Variants in PILRA observed in about 807,000 individuals in gnomAD.
The protein encoded by PILRA is paired immunoglobulin-like type 2 receptor alpha.
PILRA carries 37 observed loss-of-function variants against 33.1 expected under a neutral mutation model. The ratio of observed to expected loss-of-function variants is 1.12; its 90% CI spans 0.86 to 1.47. The LOEUF (loss-of-function observed/expected upper bound fraction) is 1.47, where lower values mean the gene tolerates loss of function less well. PILRA is among the 40% of genes most tolerant of loss of function. PILRA has a pLI of 0.00. For synonymous variants in PILRA, 146 were observed against 149.9 expected, an observed-to-expected ratio of 0.97 and a Z score of 0.19; for missense variants, 312 against 376.2, an observed-to-expected ratio of 0.83 and a Z score of 1.41.
chr7:100,393,345 C>T (rs182592690), intron 3 of PILRA, among the ~76,000 whole-genome samples: 1 of 150,794 alleles, frequency 6.6e-6, no homozygotes, highest in East Asian at 1.9e-4. Flanking sequence ...AGAACAAAAA[C>T]CACAGCACTT....
chr7:100,399,200 CA>C (rs1376155796), intron 4 of PILRA, 90 bp from the exon 5 acceptor site: 1 of 866,954 alleles, frequency 1.2e-6, no homozygotes, highest in East Asian at 2.5e-5. Flanking sequence ...CTCAGTCTCC[CA>C]AAGTGCTGGG....
chr7:100,396,415 G>A (rs112331310), intron 3 of PILRA, among the ~76,000 whole-genome samples: 5,037 of 152,198 alleles, frequency 0.033, 289 homozygotes, highest in African/African-American at 0.12. Flanking sequence ...CACTTTGGGA[G>A]GCCAAGGTGG....
At chr7:100,376,204 G>C (rs1209742688) in intron 2 of PILRA, 1 of 152,168 alleles carries the variant, frequency 6.6e-6, no homozygotes, top group Non-Finnish European at 1.5e-5. Flanking sequence ...TTTTGGAGCA[G>C]ATGGAAAGTG....
chr7:100,389,856 G>A (rs747325388), intron 2 of PILRA, 32 bp from the exon 3 acceptor site: 116 of 1,589,908 alleles, frequency 7.3e-5, no homozygotes, highest in Non-Finnish European at 9.8e-5. Flanking sequence ...TGCCCCCAGG[G>A]GAGGGTCTGC....
At chr7:100,372,021 A>T (rs1790826138), upstream of PILRA, among the ~76,000 whole-genome samples, 1 of 152,154 alleles carries the variant, frequency 6.6e-6, no homozygotes, top group Non-Finnish European at 1.5e-5. Context: ...ACAGCCTGGT[A>T]AGCAGGTGAC....
upstream of PILRA, among the ~76,000 whole-genome samples, chr7:100,372,451 C>T (rs761268597): frequency 3.3e-5 from 5 of 152,166 alleles, no homozygotes; most frequent in East Asian, 1.9e-4. Context: ...TCTTCCCCCA[C>T]GGCCCCTCAA....
At chr7:100,395,146 G>A (rs1308302715) in intron 3 of PILRA, among the ~76,000 whole-genome samples, 2 of 152,110 alleles carry the variant, frequency 1.3e-5, no homozygotes, top group African/African-American at 4.8e-5. Context: ...TTAAAAGTGG[G>A]CAGTGGATTT....
intron 2 of PILRA, among the ~76,000 whole-genome samples, chr7:100,377,010 T>G (rs538685199): frequency 6.6e-6 from 1 of 150,510 alleles, no homozygotes; most frequent in African/African-American, 2.4e-5. Context: ...GTGATCCACC[T>G]ACCTTGGCCT....
chr7:100,382,277 C>A (rs1228292981), intron 2 of PILRA, among the ~76,000 whole-genome samples: 1 of 152,172 alleles, frequency 6.6e-6, no homozygotes, highest in African/African-American at 2.4e-5. Flanking sequence ...GTATCTACGT[C>A]AAGGTTTGTG....
intron 2 of PILRA, among the ~76,000 whole-genome samples, chr7:100,381,739 G>A (rs1187735652): frequency 6.6e-6 from 1 of 152,302 alleles, no homozygotes; most frequent in East Asian, 1.9e-4. Context: ...GGAGAGGCGC[G>A]GGCGGGAACC....
chr7:100,375,284 G>A (rs941199957), intron 2 of PILRA, among the ~76,000 whole-genome samples: 2 of 152,146 alleles, frequency 1.3e-5, no homozygotes, highest in Admixed American at 1.3e-4. Flanking sequence ...CTGGCAAATC[G>A]CTTCGTGTGC....
chr7:100,389,649 G>GAAGGA (rs368991801), intron 2 of PILRA, among the ~76,000 whole-genome samples: 122 of 151,222 alleles, frequency 8.1e-4, no homozygotes, highest in Middle Eastern at 3.4e-3. Context: ...AGGGAGAGAG[G>GAAGGA]AAGGAAAGGA....
chr7:100,375,576 AC>A (rs1790924820), intron 2 of PILRA, among the ~76,000 whole-genome samples: 1 of 152,168 alleles, frequency 6.6e-6, no homozygotes, highest in South Asian at 2.1e-4. Context: ...TACTAAACAT[AC>A]AAAAATTAGC....
intron 2 of PILRA, among the ~76,000 whole-genome samples, chr7:100,383,627 A>T (rs1032737886): frequency 1.3e-5 from 2 of 149,134 alleles, no homozygotes; most frequent in Non-Finnish European, 1.5e-5. Context: ...GATCTGACTC[A>T]CACTTTTTTT....
chr7:100,380,111 T>C (rs956573539), intron 2 of PILRA, among the ~76,000 whole-genome samples: 5 of 152,152 alleles, frequency 3.3e-5, no homozygotes, highest in African/African-American at 4.8e-5. Flanking sequence ...CTTTCCAGAA[T>C]AGATGAACCA....
chr7:100,372,349 T>C (rs1455748884), upstream of PILRA, among the ~76,000 whole-genome samples: 1 of 152,104 alleles, frequency 6.6e-6, no homozygotes, highest in Non-Finnish European at 1.5e-5. Context: ...AGGAGCCTAC[T>C]AGGACCAGGG....
chr7:100,397,936 T>A, intron 4 of PILRA, 24 bp downstream of exon 4: 1 of 1,613,012 alleles, frequency 6.2e-7, no homozygotes, highest in Non-Finnish European at 8.5e-7. Context: ...CTCCCCAGGG[T>A]GGGTTGGGGG....
intron 2 of PILRA, among the ~76,000 whole-genome samples, chr7:100,384,313 G>A (rs770076893): frequency 2.5e-4 from 37 of 150,608 alleles, no homozygotes; most frequent in Non-Finnish European, 4.9e-4. Flanking sequence ...ATGGAGGTGT[G>A]AACAGGTAGA....
chr7:100,389,143 G>A (rs1791320676), intron 2 of PILRA, among the ~76,000 whole-genome samples: 1 of 152,110 alleles, frequency 6.6e-6, no homozygotes, highest in Non-Finnish European at 1.5e-5. Context: ...TTAAGACGTG[G>A]GGCTGTGAAA....
Sources: gnomAD v4.1 joint callset for allele counts (sites outside exome capture counted in the v4.1 genomes callset) on GRCh38, gnomAD v4.1.1 for gene constraint, MANE v1.5 for transcripts, NCBI Gene and HGNC (gene_info 2026-07-23, HGNC 2026-07-21) for gene names.